AK5: variants seen among roughly 807,000 people sequenced by gnomAD.
AK5 encodes adenylate kinase isoenzyme 5.
A neutral mutation model predicts 69.5 loss-of-function variants in AK5; 27 were observed. The ratio of observed to expected loss-of-function variants is 0.39; its 90% CI spans 0.29 to 0.54. AK5 has a LOEUF of 0.54. Ranked by LOEUF, AK5 falls within the 20% of genes least tolerant of loss-of-function variation. The probability of loss-of-function intolerance (pLI) is 0.71; values close to 1 mark genes in which losing one functional copy is unlikely to be tolerated. For synonymous variants in AK5, 260 were observed against 244.4 expected, an observed-to-expected ratio of 1.06 and a Z score of -0.60; for missense variants, 531 against 700.4, an observed-to-expected ratio of 0.76 and a Z score of 2.73.
At chr1:77,368,950 T>C (rs1647069230) in intron 6 of AK5, among the ~76,000 whole-genome samples, 1 of 152,198 alleles carries the variant, frequency 6.6e-6, no homozygotes, top group Non-Finnish European at 1.5e-5. Context: ...AATGCTTGAT[T>C]TATTTAAGTG....
At chr1:77,473,656 TG>T (rs1654658865) in intron 8 of AK5, among the ~76,000 whole-genome samples, 1 of 152,246 alleles carries the variant, frequency 6.6e-6, no homozygotes, top group African/African-American at 2.4e-5. Flanking sequence ...AAAAAGAAGC[TG>T]TCTTCTTATA....
intron 13 of AK5, among the ~76,000 whole-genome samples, chr1:77,554,312 C>T (rs1659965152): frequency 6.6e-6 from 1 of 152,206 alleles, no homozygotes; most frequent in South Asian, 2.1e-4. Flanking sequence ...TAACTGGCAA[C>T]ACCAAACTAA....
chr1:77,494,381 G>C (rs1483852034), intron 10 of AK5, among the ~76,000 whole-genome samples: 4 of 152,126 alleles, frequency 2.6e-5, no homozygotes, highest in Non-Finnish European at 5.9e-5. Context: ...TGTTTAGAGA[G>C]CCACTCTGAA....
At chr1:77,316,391 C>T (rs1660245495) in intron 5 of AK5, among the ~76,000 whole-genome samples, 1 of 151,870 alleles carries the variant, frequency 6.6e-6, no homozygotes, top group South Asian at 2.1e-4. Flanking sequence ...TCAGCATTGC[C>T]ATTTAAGGAG....
chr1:77,341,448 T>A (rs1661649939), intron 6 of AK5, among the ~76,000 whole-genome samples: 1 of 152,194 alleles, frequency 6.6e-6, no homozygotes, highest in African/African-American at 2.4e-5. Flanking sequence ...CAAAGAGTTT[T>A]GTGTAGTTGG....
chr1:77,470,747 C>T (rs533668644), intron 8 of AK5, among the ~76,000 whole-genome samples: 5 of 148,914 alleles, frequency 3.4e-5, no homozygotes, highest in African/African-American at 9.9e-5. Flanking sequence ...CAAAAAACAC[C>T]TTATGAGCAC....
chr1:77,358,018 T>TGTGTGTGTGAGAGAGA (rs762714026), intron 6 of AK5, among the ~76,000 whole-genome samples: 19,803 of 127,952 alleles, frequency 0.15, 1,907 homozygotes, highest in Admixed American at 0.23. Context: ...TGTGTGTGTG[T>TGTGTGTGTGAGAGAGA]GAGAGAGAGA....
At chr1:77,434,231 T>C (rs1019263659) in intron 8 of AK5, among the ~76,000 whole-genome samples, 7 of 152,056 alleles carry the variant, frequency 4.6e-5, no homozygotes, top group African/African-American at 1.4e-4. Context: ...ATAAGAATTC[T>C]GACTGATATA....
chr1:77,305,557 C>T (rs1670614), intron 5 of AK5, among the ~76,000 whole-genome samples: 134,660 of 152,166 alleles, frequency 0.88, 59,940 homozygotes, highest in Middle Eastern at 0.97. Flanking sequence ...TGCATATGGA[C>T]ATCCAGTTTT....
chr1:77,527,302 G>T (rs1658343191), intron 12 of AK5, among the ~76,000 whole-genome samples: 1 of 152,162 alleles, frequency 6.6e-6, no homozygotes, highest in African/African-American at 2.4e-5. Flanking sequence ...AACCCAGTTA[G>T]GGTGAGCTCA....
chr1:77,484,203 A>G (rs908985254), intron 9 of AK5, among the ~76,000 whole-genome samples: 20 of 152,046 alleles, frequency 1.3e-4, no homozygotes, highest in African/African-American at 4.6e-4. Context: ...AATTCCACCC[A>G]TAACTAGCTA....
chr1:77,433,044 G>T (rs770596371), intron 8 of AK5, among the ~76,000 whole-genome samples: 1 of 152,124 alleles, frequency 6.6e-6, no homozygotes, highest in African/African-American at 2.4e-5. Flanking sequence ...CTTTTTTCGG[G>T]TATGAGACTT....
chr1:77,367,578 T>TATATATATATATATAA (rs1646983061), intron 6 of AK5, among the ~76,000 whole-genome samples: 2 of 10,364 alleles, frequency 1.9e-4, no homozygotes, highest in African/African-American at 2.8e-4. Flanking sequence ...TATATATATA[T>TATATATATATATATAA]AATATATATG....
intron 6 of AK5, among the ~76,000 whole-genome samples, chr1:77,368,248 TATATA>T (rs1389075347): frequency 5.1e-4 from 44 of 86,422 alleles, no homozygotes; most frequent in African/African-American, 1.1e-3. Flanking sequence ...TATATATATA[TATATA>T]ATATATATGT....
At chr1:77,475,482 TTATATATATACAAATATATATTA>T (rs1444641266) in intron 8 of AK5, among the ~76,000 whole-genome samples, 5 of 50,674 alleles carry the variant, frequency 9.9e-5, no homozygotes, top group Admixed American at 6.6e-4. Flanking sequence ...TGTATATATA[TTATATATATACAAATATATATTA>T]TATATATATG....
In AK5 at chr1:77,481,089, C is replaced by T. The variant is rs1414733332; in HGVS notation, c.1060-2228C>T. Among the ~76,000 whole-genome samples, 9 of 152,294 alleles carry T rather than the reference C, an allele frequency of 5.9e-5. No individual in the cohort carries two copies. The East Asian group carries it at 9.7e-4, about 16-fold the overall frequency. ...CTGTAGTGGGCCCTTAGCAGCAGTT[C>T]GGTGGCTGGGTGCCTGGCCAGGTGA... On this transcript the variant is annotated intron_variant, in intron 8 of 13. Coordinates refer to ENST00000354567, the MANE Select transcript of AK5 (RefSeq NM_174858.3).
At chr1:77,483,576 C>T (rs1655405310) in intron 9 of AK5, among the ~76,000 whole-genome samples, 1 of 152,048 alleles carries the variant, frequency 6.6e-6, no homozygotes, top group Admixed American at 6.5e-5. Context: ...TTCTTAACTG[C>T]CCAGAGAACA....
chr1:77,512,050 T>C (rs140207811), intron 10 of AK5, among the ~76,000 whole-genome samples: 2 of 152,298 alleles, frequency 1.3e-5, no homozygotes, highest in Non-Finnish European at 2.9e-5. Flanking sequence ...TCATTGGTGC[T>C]GAGGAGGCTT....
At chr1:77,386,339 G>A (rs1648026248) in intron 6 of AK5, among the ~76,000 whole-genome samples, 1 of 152,122 alleles carries the variant, frequency 6.6e-6, no homozygotes, top group African/African-American at 2.4e-5. Flanking sequence ...GTCTGTCTCT[G>A]GACTTAAGGG....
Sources: gnomAD v4.1 joint callset for allele counts (sites outside exome capture counted in the v4.1 genomes callset) on GRCh38, gnomAD v4.1.1 for gene constraint, MANE v1.5 for transcripts, NCBI Gene and HGNC (gene_info 2026-07-23, HGNC 2026-07-21) for gene names.